Variants in NARS2 observed in about 807,000 individuals in gnomAD.
The protein encoded by NARS2 is asparaginyl-tRNA synthetase.
Under a neutral mutation model 62.9 loss-of-function variants are expected in NARS2, and 60 were observed. The ratio of observed to expected loss-of-function variants is 0.95; its 90% CI spans 0.77 to 1.18. The LOEUF (loss-of-function observed/expected upper bound fraction) is 1.18. NARS2 is among the 50% of genes most tolerant of loss of function. The pLI is 0.00. For missense variants in NARS2, 619 were observed against 576.4 expected (o/e 1.07, Z -0.76); for synonymous variants, 196 against 200.0 (o/e 0.98, Z 0.17).
At chr11:78,447,575 A>G (rs1180592102) in intron 11 of NARS2, among the ~76,000 whole-genome samples, 1 of 152,198 alleles carries the variant, frequency 6.6e-6, no homozygotes, top group Non-Finnish European at 1.5e-5. Context: ...ATTACTCACA[A>G]TAGTAAAGAT....
chr11:78,472,933 T>C (rs983987333), intron 9 of NARS2, among the ~76,000 whole-genome samples: 2 of 152,244 alleles, frequency 1.3e-5, no homozygotes, highest in African/African-American at 2.4e-5. Flanking sequence ...TAATAATCAC[T>C]GTCATCAGAC....
At chr11:78,544,993 C>T (rs559242195) in intron 5 of NARS2, among the ~76,000 whole-genome samples, 1 of 152,032 alleles carries the variant, frequency 6.6e-6, no homozygotes, top group South Asian at 2.1e-4. Context: ...ATATGTGAGT[C>T]ACCAATATAA....
At chr11:78,546,290 C>A (rs558669623) in intron 5 of NARS2, among the ~76,000 whole-genome samples, 20 of 152,316 alleles carry the variant, frequency 1.3e-4, no homozygotes, top group African/African-American at 4.8e-4. Flanking sequence ...TAGCACAGTA[C>A]CTCTTACACA....
At chr11:78,547,280 A>C (rs899751058) in intron 5 of NARS2, among the ~76,000 whole-genome samples, 12 of 152,168 alleles carry the variant, frequency 7.9e-5, no homozygotes, top group African/African-American at 2.9e-4. Context: ...AAAAAAAAAG[A>C]ACTCAGAAAC....
intron 5 of NARS2, among the ~76,000 whole-genome samples, chr11:78,549,993 A>G (rs1410732962): frequency 2.0e-5 from 3 of 152,238 alleles, no homozygotes; most frequent in African/African-American, 7.2e-5. Flanking sequence ...AAGAGAAATA[A>G]ATGGTCAATA....
chr11:78,562,977 A>G (rs930589381), intron 4 of NARS2, among the ~76,000 whole-genome samples: 3 of 152,070 alleles, frequency 2.0e-5, no homozygotes, highest in Non-Finnish European at 2.9e-5. Context: ...AATACTAGGT[A>G]ACATATAACT....
intron 1 of NARS2, among the ~76,000 whole-genome samples, chr11:78,572,886 A>C (rs1010117945): frequency 3.9e-5 from 6 of 152,204 alleles, no homozygotes; most frequent in African/African-American, 1.2e-4. Flanking sequence ...TATGTATTTT[A>C]CACTTATAGC....
chr11:78,483,043 G>A (rs961791646), intron 7 of NARS2, among the ~76,000 whole-genome samples: 8 of 152,090 alleles, frequency 5.3e-5, no homozygotes, highest in Non-Finnish European at 8.8e-5. Context: ...TATCCACCAC[G>A]ATCAAGTCAG....
chr11:78,519,418 A>C (rs1294433660), intron 6 of NARS2, among the ~76,000 whole-genome samples: 3 of 152,226 alleles, frequency 2.0e-5, no homozygotes, highest in Non-Finnish European at 4.4e-5. Flanking sequence ...TCAAATCTGA[A>C]AAAATAAACT....
At chr11:78,516,871 C>T (rs1343992702) in intron 6 of NARS2, among the ~76,000 whole-genome samples, 1 of 152,018 alleles carries the variant, frequency 6.6e-6, no homozygotes, top group African/African-American at 2.4e-5. Flanking sequence ...AGCTCACAGT[C>T]AAAGCTATAA....
intron 12 of NARS2, among the ~76,000 whole-genome samples, chr11:78,442,258 A>C (rs1857598680): frequency 1.3e-5 from 2 of 152,220 alleles, no homozygotes; most frequent in African/African-American, 4.8e-5. Context: ...GATTTTTTCA[A>C]CTAGAGTCTG....
At chr11:78,453,228 A>G (rs998957135) in intron 11 of NARS2, among the ~76,000 whole-genome samples, 1 of 152,072 alleles carries the variant, frequency 6.6e-6, no homozygotes, top group Admixed American at 6.6e-5. Flanking sequence ...AACAAAACCA[A>G]TTCCACTTTG....
chr11:78,472,236 C>G (rs1181540630), intron 9 of NARS2, among the ~76,000 whole-genome samples: 1 of 152,154 alleles, frequency 6.6e-6, no homozygotes, highest in African/African-American at 2.4e-5. Flanking sequence ...AAAATAATAT[C>G]TCTTCTCCTT....
chr11:78,448,454 C>T (rs1857841653), intron 11 of NARS2, among the ~76,000 whole-genome samples: 1 of 151,868 alleles, frequency 6.6e-6, no homozygotes, highest in Non-Finnish European at 1.5e-5. Flanking sequence ...CCGTGCCCAG[C>T]TAATTTTTGT....
At chr11:78,448,242 T>G (rs1265467250) in intron 11 of NARS2, among the ~76,000 whole-genome samples, 2 of 151,500 alleles carry the variant, frequency 1.3e-5, no homozygotes, top group African/African-American at 4.8e-5. Context: ...AAAGAAGGGA[T>G]AGGTATATTC....
intron 11 of NARS2, among the ~76,000 whole-genome samples, chr11:78,464,048 G>C (rs1216420936): frequency 6.6e-6 from 1 of 152,144 alleles, no homozygotes; most frequent in African/African-American, 2.4e-5. Flanking sequence ...CGGCGCGTCC[G>C]GAGTTTGTTC....
intron 6 of NARS2, among the ~76,000 whole-genome samples, chr11:78,510,715 T>C (rs1432710900): frequency 6.6e-6 from 1 of 152,190 alleles, no homozygotes; most frequent in Non-Finnish European, 1.5e-5. Context: ...CTAGTGGTTA[T>C]AAAAATTGTG....
chr11:78,524,376 C>A lies in NARS2; in HGVS notation c.689+4466G>T, dbSNP rs530485265. Among the ~76,000 whole-genome samples the A allele has an allele frequency of 2.6e-4, 24 of 92,950 alleles. No individual in the cohort carries two copies. In the South Asian group the frequency reaches 0.01, roughly 39 times the overall value. 61.0% of individuals were successfully genotyped at this position (92,950 alleles called of 152,430 possible). ...AAGGTATTCCTCTAGAAAAACTGTACTAATTTATTCCAACAACAACAGTCA... is the reference window on the plus strand; with the variant it reads ...AAGGTATTCCTCTAGAAAAACTGTAATAATTTATTCCAACAACAACAGTCA... On this transcript the variant is annotated intron_variant, in intron 6 of 13. Coordinates refer to ENST00000281038, the MANE Select transcript of NARS2 (RefSeq NM_024678.6).
intron 4 of NARS2, among the ~76,000 whole-genome samples, chr11:78,564,511 AT>A (rs200401474): frequency 3.8e-4 from 57 of 151,422 alleles, no homozygotes; most frequent in South Asian, 2.3e-3. Context: ...TTTTATTTCA[AT>A]TTTTTTTTAG....
Sources: allele counts gnomAD v4.1 joint callset (sites outside exome capture counted in the v4.1 genomes callset), GRCh38; gene constraint gnomAD v4.1.1; transcripts MANE v1.5; gene names NCBI Gene and HGNC (gene_info 2026-07-23, HGNC 2026-07-21).